The following NMNAT2 variants were observed in gnomAD, a reference collection of about 807,000 sequenced individuals.
NMNAT2 encodes nicotinamide nucleotide adenylyltransferase 2.
In NMNAT2, 11 loss-of-function variants were observed where a neutral mutation model predicts 41.6. The observed-to-expected ratio is 0.26, with a 90% CI of 0.17 to 0.44. The LOEUF (loss-of-function observed/expected upper bound fraction) is 0.44, where lower values mean the gene tolerates loss of function less well. Among genes scored for constraint, NMNAT2 ranks in the 20% least tolerant of loss-of-function variants. NMNAT2 has a pLI of 1.00. For synonymous variants in NMNAT2, 148 were observed against 151.2 expected (o/e 0.98, Z 0.16); for missense variants, 288 against 407.7 (o/e 0.71, Z 2.53).
chr1:183,412,512 C>T (rs1649147697), intron 1 of NMNAT2, among the ~76,000 whole-genome samples: 1 of 152,202 alleles, frequency 6.6e-6, no homozygotes, highest in South Asian at 2.1e-4. Flanking sequence ...TGTGAGCCAC[C>T]ATGCCCGGCC....
intron 1 of NMNAT2, among the ~76,000 whole-genome samples, chr1:183,360,936 T>C (rs1271753942): frequency 6.6e-6 from 1 of 152,190 alleles, no homozygotes; most frequent in Non-Finnish European, 1.5e-5. Flanking sequence ...AGAGAAAATA[T>C]CCTTCTTTAT....
At chr1:183,305,984 A>T (rs1451778784) in intron 1 of NMNAT2, among the ~76,000 whole-genome samples, 1 of 152,056 alleles carries the variant, frequency 6.6e-6, no homozygotes, top group Admixed American at 6.5e-5. Context: ...GGCCTCCCAA[A>T]GTGCTGGGAT....
intron 1 of NMNAT2, among the ~76,000 whole-genome samples, chr1:183,362,095 C>G (rs896021037): frequency 6.6e-6 from 1 of 152,046 alleles, no homozygotes; most frequent in Non-Finnish European, 1.5e-5. Context: ...CCTGCCACCA[C>G]GCCTGGCTAA....
At chr1:183,288,361 G>T (rs1224244023) in intron 4 of NMNAT2, among the ~76,000 whole-genome samples, 2 of 152,226 alleles carry the variant, frequency 1.3e-5, no homozygotes, top group African/African-American at 4.8e-5. Context: ...CCTGCCTCAT[G>T]CTTGCTAGGT....
rs148963619 is a variant in NMNAT2, at chr1:183,322,992, C to T, written c.86-29199G>A. On this transcript the variant is annotated intron_variant, in intron 1 of 10. Transcript: ENST00000287713. ...TGTCATCCAGGCTGGAGTGCAGTGG[C>T]GCGATTTCGGCTCGCTGCAACCTCC... 7.6e-4 allele frequency among the ~76,000 whole-genome samples: 116 copies of T among 152,174 alleles called. 4 individuals carry two copies. The East Asian group carries it at 0.021, about 27-fold the overall frequency.
chr1:183,303,423 T>C (rs1209561063), intron 1 of NMNAT2, among the ~76,000 whole-genome samples: 2 of 152,236 alleles, frequency 1.3e-5, no homozygotes, highest in African/African-American at 4.8e-5. Context: ...TGTTAGGTGA[T>C]ATAATCACTA....
chr1:183,390,782 C>G (rs1254047042), intron 1 of NMNAT2, among the ~76,000 whole-genome samples: 1 of 152,094 alleles, frequency 6.6e-6, no homozygotes, highest in African/African-American at 2.4e-5. Flanking sequence ...GAAATTCAAC[C>G]ATGTGATGCT....
In NMNAT2 at chr1:183,334,133, C is replaced by T. The variant is rs1169091279; in HGVS notation, c.86-40340G>A. ...AGGCTGGAATGCAGTGGCACGATCT[C>T]GGCTCACTGAAACCACCGTCTCTTT... On this transcript the variant is annotated intron_variant, in intron 1 of 10. Transcript: ENST00000287713. 5.3e-5 allele frequency among the ~76,000 whole-genome samples: 8 copies of T among 152,184 alleles called. No individual in the cohort carries two copies. In the East Asian group the frequency reaches 5.8e-4, roughly 11 times the overall value.
At chr1:183,314,463 T>C (rs1316822647) in intron 1 of NMNAT2, among the ~76,000 whole-genome samples, 1 of 152,198 alleles carries the variant, frequency 6.6e-6, no homozygotes, top group African/African-American at 2.4e-5. Context: ...TCCAGGTCAG[T>C]CCTGTGCTTT....
intron 1 of NMNAT2, among the ~76,000 whole-genome samples, chr1:183,369,479 A>G (rs932035088): frequency 6.6e-6 from 1 of 151,816 alleles, no homozygotes; most frequent in Non-Finnish European, 1.5e-5. Flanking sequence ...GGGTTTCACC[A>G]TGTTAGCCAG....
chr1:183,412,389 A>C (rs1649143142), intron 1 of NMNAT2, among the ~76,000 whole-genome samples: 1 of 152,028 alleles, frequency 6.6e-6, no homozygotes, highest in Non-Finnish European at 1.5e-5. Context: ...ACGCCCGGCT[A>C]ATTTTTTGTA....
intron 1 of NMNAT2, among the ~76,000 whole-genome samples, chr1:183,403,505 GACTGTCCTTACCC>G (rs1333023113): frequency 2.0e-5 from 3 of 150,420 alleles, no homozygotes; most frequent in Non-Finnish European, 4.4e-5. Flanking sequence ...CCACTCGGGA[GACTGTCCTTACCC>G]ACCTCCCCAC....
At chr1:183,380,221 A>T (rs536471366) in intron 1 of NMNAT2, among the ~76,000 whole-genome samples, 1 of 152,312 alleles carries the variant, frequency 6.6e-6, no homozygotes, top group East Asian at 1.9e-4. Flanking sequence ...CAAGAAAAAC[A>T]TCTTTAGTCC....
At chr1:183,296,594 C>A (rs1259404096) in intron 1 of NMNAT2, among the ~76,000 whole-genome samples, 2 of 151,844 alleles carry the variant, frequency 1.3e-5, no homozygotes, top group African/African-American at 4.8e-5. Context: ...CTCACTGCAA[C>A]CTCCGCCTCC....
At chr1:183,311,736 C>T (rs1039870109) in intron 1 of NMNAT2, among the ~76,000 whole-genome samples, 109 of 98,738 alleles carry the variant, frequency 1.1e-3, no homozygotes, top group Non-Finnish European at 1.8e-3. Context: ...CACACACACA[C>T]ACACACACAC....
rs1027314330 is a variant in NMNAT2, at chr1:183,251,666, C to T, written c.*975G>A. The stretch of plus-strand genomic sequence containing the variant: ...GCACTGTGCCATCAGCTACAGTCCA[C>T]AAAGGTAAATGAACAGATGCCACCA... On this transcript the variant is annotated 3_prime_UTR_variant, in exon 11 of 11. Transcript: ENST00000287713. The T allele has an allele frequency of 1.3e-5, 2 of 152,824 alleles. No homozygotes were observed. The highest frequency in any genetic ancestry group is 4.8e-5 in the African/African-American group (2 of 41,440). 9.5% of individuals were successfully genotyped at this position (152,824 alleles called of 1,614,324 possible).
intron 1 of NMNAT2, among the ~76,000 whole-genome samples, chr1:183,375,732 G>A (rs1251516955): frequency 1.3e-5 from 2 of 152,124 alleles, no homozygotes; most frequent in African/African-American, 4.8e-5. Context: ...ACTATCCATT[G>A]AACGAAGAGT....
intron 1 of NMNAT2, among the ~76,000 whole-genome samples, chr1:183,345,573 C>G (rs1446767232): frequency 6.6e-6 from 1 of 152,210 alleles, no homozygotes; most frequent in Non-Finnish European, 1.5e-5. Context: ...ATGTAATACC[C>G]TGTGCTATCT....
chr1:183,325,718 A>T (rs974471793), intron 1 of NMNAT2, among the ~76,000 whole-genome samples: 1 of 152,224 alleles, frequency 6.6e-6, no homozygotes, highest in African/African-American at 2.4e-5. Flanking sequence ...GAGTGCTTTC[A>T]GTATTGAAAG....
Sources: allele counts gnomAD v4.1 joint callset (sites outside exome capture counted in the v4.1 genomes callset), GRCh38; gene constraint gnomAD v4.1.1; transcripts MANE v1.5; gene names NCBI Gene and HGNC (gene_info 2026-07-23, HGNC 2026-07-21).